MMS22L: variants seen among roughly 807,000 people sequenced by gnomAD.
MMS22L encodes the protein protein MMS22-like.
Under a neutral mutation model 159.1 loss-of-function variants are expected in MMS22L, and 74 were observed. The ratio of observed to expected loss-of-function variants is 0.47; its 90% CI spans 0.39 to 0.56. The LOEUF (loss-of-function observed/expected upper bound fraction) is 0.56, where lower values mean the gene tolerates loss of function less well. MMS22L is among the 20% of genes least tolerant of loss of function. The pLI is 0.00. For missense variants in MMS22L, 1,351 were observed against 1,422.1 expected (o/e 0.95, Z 0.80); for synonymous variants, 517 against 506.9 (o/e 1.02, Z -0.27).
rs182554382 is a variant in MMS22L, at chr6:97,260,860, T to C, written c.942+2475A>G. ...TTCCTTTCCTTTTCTTTCTTCTTTT[T>C]TTTTGGTGGTGGGAGAGGGTATGAG... On this transcript the variant is annotated intron_variant, in intron 9 of 24. Transcript: ENST00000683635. 867 of 152,310 alleles carry C rather than the reference T, an allele frequency of 5.7e-3. 5 individuals are homozygous for C. The highest frequency in any genetic ancestry group is 0.013 in the South Asian group (64 of 4,830). The allele number at this position is 152,310 out of a possible 1,614,324, so 9.4% of individuals were successfully genotyped here.
chr6:97,277,933 G>A (rs1816400846), intron 4 of MMS22L, among the ~76,000 whole-genome samples: 1 of 152,158 alleles, frequency 6.6e-6, no homozygotes, highest in Non-Finnish European at 1.5e-5. Context: ...TAGACACTGT[G>A]TTAAGCACTT....
chr6:97,152,195 GCCTTTACAAATTCAGCTGATTTAC>G (rs1801386792), intron 22 of MMS22L, among the ~76,000 whole-genome samples: 1 of 151,742 alleles, frequency 6.6e-6, no homozygotes, highest in Non-Finnish European at 1.5e-5. Flanking sequence ...ACAAAAGAAA[GCCTTTACAAATTCAGCTGATTTAC>G]AGACAGGCAG....
chr6:97,272,257 C>T (rs1251493840), intron 6 of MMS22L: 1 of 152,426 alleles, frequency 6.6e-6, no homozygotes, highest in African/African-American at 2.4e-5. Flanking sequence ...TCCAAAAAGG[C>T]CTCAAAAGTC....
At chr6:97,167,673 A>G (rs114230145) in intron 20 of MMS22L, among the ~76,000 whole-genome samples, 2,810 of 152,114 alleles carry the variant, frequency 0.018, 87 homozygotes, top group African/African-American at 0.064. Flanking sequence ...TATTTTCTTA[A>G]AGCTCATGCC....
At position 97,186,653 on chromosome 6, in the gene MMS22L, C is replaced by T. The variant is rs1193457850; in HGVS notation, c.2077G>A (p.Asp693Asn). 1 of 1,579,410 alleles carries T rather than the reference C, an allele frequency of 6.3e-7. No individual in the cohort carries two copies. Among genetic ancestry groups the T allele is most frequent in the African/African-American group, 1.4e-5 (1 of 72,966 alleles). The change falls in exon 15 of 25, where the codon GAC (aspartate) becomes AAC (asparagine). Residue 693 changes from aspartate to asparagine, a missense_variant. Coordinates refer to ENST00000683635, the MANE Select transcript of MMS22L (RefSeq NM_001350599.2). ...GACTGTACAAATAGGTCCACATTGT[C>T]CCTTTGAAGTTCCTGACACAATTGT... Reference protein sequence around the residue: ...HQQLCQELQRDNVDLFVQSSL... With the variant: ...HQQLCQELQRNNVDLFVQSSL...
chr6:97,166,789 CAG>C (rs1803003150), intron 20 of MMS22L, among the ~76,000 whole-genome samples: 1 of 152,028 alleles, frequency 6.6e-6, no homozygotes, highest in South Asian at 2.1e-4. Flanking sequence ...AGAAATATTC[CAG>C]ACTCTCCTGC....
Position 97,278,661 on chromosome 6 carries a change from AATACT to A in MMS22L, c.340+183_340+187del, listed in dbSNP as rs970497897. 5.3e-4 allele frequency among the ~76,000 whole-genome samples: 80 copies of A among 152,198 alleles called. 3 individuals are homozygous for A. The highest frequency in any genetic ancestry group is 1.2e-4 in the Non-Finnish European group (8 of 68,036). On this transcript the variant is annotated intron_variant, in intron 4 of 24. Transcript: ENST00000683635. Reference sequence around the variant, plus strand: ...CCTTTAAAATCTACAGATTTGGGAAAATACTATATATCTCAGCTACAACAAAATTT... The same window carrying A: ...CCTTTAAAATCTACAGATTTGGGAAAATATATCTCAGCTACAACAAAATTT...
At chr6:97,172,322 A>G (rs1803631548) in intron 19 of MMS22L, among the ~76,000 whole-genome samples, 2 of 152,136 alleles carry the variant, frequency 1.3e-5, no homozygotes, top group African/African-American at 4.8e-5. Flanking sequence ...AAGGTTTCAG[A>G]CAACCCGAAT....
At chr6:97,248,881 CT>C (rs1487849827) in intron 10 of MMS22L, among the ~76,000 whole-genome samples, 1 of 151,902 alleles carries the variant, frequency 6.6e-6, no homozygotes, top group Non-Finnish European at 1.5e-5. Context: ...AAGATCTGAC[CT>C]TTGCCCATAG....
intron 9 of MMS22L, among the ~76,000 whole-genome samples, chr6:97,257,174 T>C (rs1320343930): frequency 6.6e-6 from 1 of 152,208 alleles, no homozygotes; most frequent in Non-Finnish European, 1.5e-5. Context: ...ACTTCCTTTT[T>C]AACTATAGTT....
At chr6:97,233,644 C>G (rs926805175) in intron 12 of MMS22L, among the ~76,000 whole-genome samples, 2 of 152,054 alleles carry the variant, frequency 1.3e-5, no homozygotes, top group Non-Finnish European at 2.9e-5. Context: ...TTTACCCTTG[C>G]TCTCAAGAGA....
chr6:97,229,948 C>T (rs1810677306), intron 13 of MMS22L, among the ~76,000 whole-genome samples: 1 of 152,142 alleles, frequency 6.6e-6, no homozygotes, highest in Admixed American at 6.5e-5. Flanking sequence ...AAAAATCTCC[C>T]ATCAATACTA....
intron 23 of MMS22L, among the ~76,000 whole-genome samples, chr6:97,150,712 C>T (rs1801239668): frequency 6.6e-6 from 1 of 152,068 alleles, no homozygotes; most frequent in Non-Finnish European, 1.5e-5. Flanking sequence ...AAACTATAAA[C>T]ACTTGACAGG....
chr6:97,246,563 A>T, intron 11 of MMS22L, 65 bp downstream of exon 11: 1 of 1,364,302 alleles, frequency 7.3e-7, no homozygotes, highest in South Asian at 1.3e-5. Flanking sequence ...GCTTGGTTTT[A>T]AAAATAAAAT....
At chr6:97,186,959 G>C (rs1805305553) in intron 14 of MMS22L, among the ~76,000 whole-genome samples, 1 of 152,114 alleles carries the variant, frequency 6.6e-6, no homozygotes, top group Non-Finnish European at 1.5e-5. Flanking sequence ...GGCAGCTTCA[G>C]AATGAAGGTC....
At chr6:97,278,580 T>C (rs1816466298) in intron 4 of MMS22L, among the ~76,000 whole-genome samples, 1 of 152,176 alleles carries the variant, frequency 6.6e-6, no homozygotes, top group Non-Finnish European at 1.5e-5. Context: ...TCCCACTCCC[T>C]ACCTCCAAAA....
intron 14 of MMS22L, among the ~76,000 whole-genome samples, chr6:97,191,085 C>T (rs564368494): frequency 7.9e-5 from 12 of 152,204 alleles, no homozygotes; most frequent in Admixed American, 7.2e-4. Context: ...TATTTGTCTG[C>T]TACTTCTTGC....
In MMS22L at chr6:97,162,104, A is replaced by G. The variant is rs1168128485; in HGVS notation, c.3283T>C (p.Phe1095Leu). The change falls in exon 22 of 25, where the codon TTC (phenylalanine) becomes CTC (leucine). Residue 1095 changes from phenylalanine to leucine, a missense_variant. Physicochemically the swap from Phe to Leu is conservative, Grantham distance 22. Coordinates refer to ENST00000683635, the MANE Select transcript of MMS22L (RefSeq NM_001350599.2). Reference sequence around the variant, plus strand: ...GTTTCCTTGAAGAGTTGGAGGATGAAGGCCAGAATGGATGCTAAGCGAGGA... The same window carrying G: ...GTTTCCTTGAAGAGTTGGAGGATGAGGGCCAGAATGGATGCTAAGCGAGGA... ...PPPRLASILA[F>L]ILQLFKETNT... 2.5e-6 allele frequency: 4 copies of G among 1,612,078 alleles called. No individual in the cohort carries two copies. In the South Asian group the frequency reaches 4.4e-5, roughly 18 times the overall value.
chr6:97,147,892 T>C (rs1244076327), intron 24 of MMS22L, among the ~76,000 whole-genome samples: 3 of 152,204 alleles, frequency 2.0e-5, no homozygotes, highest in South Asian at 2.1e-4. Context: ...AACATAGTCA[T>C]GTCTTCAAGA....
Sources: gnomAD v4.1 joint callset for allele counts (sites outside exome capture counted in the v4.1 genomes callset) on GRCh38, gnomAD v4.1.1 for gene constraint, MANE v1.5 for transcripts, NCBI Gene and HGNC (gene_info 2026-07-23, HGNC 2026-07-21) for gene names.